MYO1B: variants seen among roughly 807,000 people sequenced by gnomAD.
MYO1B encodes myosin IB.
A neutral mutation model predicts 159.7 loss-of-function variants in MYO1B; 72 were observed. The ratio of observed to expected loss-of-function variants is 0.45; its 90% CI spans 0.37 to 0.55. The LOEUF (loss-of-function observed/expected upper bound fraction) is 0.55, where lower values mean the gene tolerates loss of function less well. Ranked by LOEUF, MYO1B falls within the 20% of genes least tolerant of loss-of-function variation. MYO1B has a pLI of 0.00. For synonymous variants in MYO1B, 468 were observed against 473.8 expected, an observed-to-expected ratio of 0.99 and a Z score of 0.16; for missense variants, 1,062 against 1,364.8, an observed-to-expected ratio of 0.78 and a Z score of 3.50.
intron 4 of MYO1B, among the ~76,000 whole-genome samples, chr2:191,333,484 T>A (rs1290147578): frequency 6.6e-6 from 1 of 152,172 alleles, no homozygotes; most frequent in African/African-American, 2.4e-5. Context: ...CAAATCCCTT[T>A]CCTAATTTTG....
intron 7 of MYO1B, among the ~76,000 whole-genome samples, chr2:191,357,788 T>C (rs1693399515): frequency 6.6e-6 from 1 of 152,224 alleles, no homozygotes; most frequent in Non-Finnish European, 1.5e-5. Context: ...TTATTTGGTA[T>C]GGCTTCAAGC....
At chr2:191,279,556 A>C (rs1051968656) in intron 2 of MYO1B, among the ~76,000 whole-genome samples, 1 of 151,580 alleles carries the variant, frequency 6.6e-6, no homozygotes, top group African/African-American at 2.4e-5. Context: ...TGATTACCAC[A>C]CTCTCCAGCC....
chr2:191,417,996 A>G (rs1415624160), intron 30 of MYO1B, among the ~76,000 whole-genome samples: 1 of 152,260 alleles, frequency 6.6e-6, no homozygotes, highest in Non-Finnish European at 1.5e-5. Flanking sequence ...ATAAGCTTTC[A>G]GTAAACAGTT....
At chr2:191,253,307 T>C (rs1686240214) in intron 1 of MYO1B, among the ~76,000 whole-genome samples, 1 of 152,240 alleles carries the variant, frequency 6.6e-6, no homozygotes, top group Non-Finnish European at 1.5e-5. Flanking sequence ...ATAACACTGC[T>C]ATAGTCACTT....
chr2:191,339,900 T>C (rs1692103058), intron 4 of MYO1B, among the ~76,000 whole-genome samples: 1 of 152,144 alleles, frequency 6.6e-6, no homozygotes, highest in Admixed American at 6.5e-5. Context: ...TTTCACGTAT[T>C]ATTTTCCCAA....
At chr2:191,306,797 T>C (rs759714553) in intron 3 of MYO1B, among the ~76,000 whole-genome samples, 2 of 152,040 alleles carry the variant, frequency 1.3e-5, no homozygotes, top group Non-Finnish European at 2.9e-5. Flanking sequence ...AGCCTGGAGA[T>C]AGTCTTGGGA....
At chr2:191,346,207 T>A (rs750298437) in intron 5 of MYO1B, 29 bp from the exon 6 acceptor site, 2 of 1,503,486 alleles carry the variant, frequency 1.3e-6, no homozygotes, top group Admixed American at 4.2e-5. Context: ...ATTATTTTTT[T>A]AACCATACAT....
intron 4 of MYO1B, among the ~76,000 whole-genome samples, chr2:191,333,967 C>G (rs908874381): frequency 6.6e-6 from 1 of 152,164 alleles, no homozygotes; most frequent in Non-Finnish European, 1.5e-5. Flanking sequence ...ACCCCTCCCC[C>G]CATCCTATTT....
At chr2:191,296,832 A>G (rs905707419) in intron 3 of MYO1B, among the ~76,000 whole-genome samples, 1 of 152,180 alleles carries the variant, frequency 6.6e-6, no homozygotes, top group African/African-American at 2.4e-5. Flanking sequence ...TGCTTAAGAG[A>G]TGCCGAAATG....
At chr2:191,353,080 A>G (rs1693024920) in intron 7 of MYO1B, among the ~76,000 whole-genome samples, 1 of 152,204 alleles carries the variant, frequency 6.6e-6, no homozygotes, top group South Asian at 2.1e-4. Context: ...CTCTTTTTCT[A>G]AAAGAGACAA....
At chr2:191,296,010 G>A (rs989232283) in intron 2 of MYO1B, 101 bp from the exon 3 acceptor site, 1 of 527,246 alleles carries the variant, frequency 1.9e-6, no homozygotes, top group Non-Finnish European at 3.1e-6. Context: ...CAGAACTAGT[G>A]TTGATTTTAA....
At chr2:191,269,493 C>A (rs1425813782) in intron 1 of MYO1B, among the ~76,000 whole-genome samples, 1 of 152,042 alleles carries the variant, frequency 6.6e-6, no homozygotes, top group Non-Finnish European at 1.5e-5. Context: ...TGCCTTCTTT[C>A]ACTTCTTTTA....
At position 191,248,759 on chromosome 2, in the gene MYO1B, A is replaced by G. The variant is rs1388911608; in HGVS notation, c.-10+3133A>G. On this transcript the variant is annotated intron_variant, in intron 1 of 30. Transcript: ENST00000392318. ...CTAAGTGGTGGAAGTGCGATTGGGG[A>G]TCCCAAAGTCCATACTCTTTAGGTA... Among the ~76,000 whole-genome samples the G allele has an allele frequency of 2.0e-5, 3 of 152,174 alleles. No individual in the cohort carries two copies. In the East Asian group the frequency reaches 5.8e-4, roughly 29 times the overall value.
chr2:191,295,360 G>C (rs1385640999), intron 2 of MYO1B, among the ~76,000 whole-genome samples: 1 of 152,140 alleles, frequency 6.6e-6, no homozygotes, highest in African/African-American at 2.4e-5. Flanking sequence ...CTGGTTTAAA[G>C]TTCAGTGAGA....
At chr2:191,421,599 C>T (rs1697947108) in intron 30 of MYO1B, among the ~76,000 whole-genome samples, 1 of 152,086 alleles carries the variant, frequency 6.6e-6, no homozygotes, top group South Asian at 2.1e-4. Context: ...CCTCAGCTTC[C>T]CGAGTAGCTG....
intron 24 of MYO1B, among the ~76,000 whole-genome samples, chr2:191,407,013 C>T (rs1277092502): frequency 1.3e-5 from 2 of 152,106 alleles, no homozygotes; most frequent in Non-Finnish European, 2.9e-5. Context: ...CAAAGGGACT[C>T]GTGTAGTTTG....
chr2:191,369,714 T>A, intron 12 of MYO1B, 86 bp downstream of exon 12: 1 of 1,004,884 alleles, frequency 1.0e-6, no homozygotes, highest in Non-Finnish European at 1.5e-6. Context: ...AAATTTATAA[T>A]CAAATAATTG....
chr2:191,391,730 G>A (rs1695764748), intron 18 of MYO1B, among the ~76,000 whole-genome samples: 1 of 152,176 alleles, frequency 6.6e-6, no homozygotes. Context: ...CAGAAACAAT[G>A]TTTAAAATAT....
intron 24 of MYO1B, among the ~76,000 whole-genome samples, chr2:191,405,638 C>G (rs912259035): frequency 6.6e-6 from 1 of 152,198 alleles, no homozygotes; most frequent in Admixed American, 6.5e-5. Context: ...TCGTATATCT[C>G]CATCAGAGCT....
Sources: gnomAD v4.1 joint callset for allele counts (sites outside exome capture counted in the v4.1 genomes callset) on GRCh38, gnomAD v4.1.1 for gene constraint, MANE v1.5 for transcripts, NCBI Gene and HGNC (gene_info 2026-07-23, HGNC 2026-07-21) for gene names.